The following MYH7B variants were observed in gnomAD, a reference collection of about 807,000 sequenced individuals.
MYH7B encodes myosin heavy chain 7B.
A neutral mutation model predicts 234.5 loss-of-function variants in MYH7B; 205 were observed. The ratio of observed to expected loss-of-function variants is 0.87; its 90% confidence interval spans 0.78 to 0.98. The LOEUF (loss-of-function observed/expected upper bound fraction) is 0.98. MYH7B is among the 50% of genes least tolerant of loss of function. The probability of loss-of-function intolerance (pLI) is 0.00; values close to 1 mark genes in which losing one functional copy is unlikely to be tolerated. For missense variants in MYH7B, 2,652 were observed against 2,633.4 expected (o/e 1.01, Z -0.15); for synonymous variants, 1,193 against 1,105.0 (o/e 1.08, Z -1.58).
At chr20:34,956,529 C>T (rs758355010) in intron 1 of MYH7B, among the ~76,000 whole-genome samples, 1 of 151,438 alleles carries the variant, frequency 6.6e-6, no homozygotes, top group Admixed American at 6.5e-5. Context: ...GCACCTGATA[C>T]GAATTTTAGT....
intron 6 of MYH7B, 77 bp from the exon 7 acceptor site, chr20:34,979,584 G>T: frequency 1.2e-6 from 2 of 1,606,182 alleles, no homozygotes; most frequent in East Asian, 2.2e-5. Context: ...GGGGGTCTGG[G>T]TATGTGGGTG....
chr20:34,994,890 T>C (rs1364440995), intron 27 of MYH7B, among the ~76,000 whole-genome samples: 1 of 152,240 alleles, frequency 6.6e-6, no homozygotes. Context: ...GATGGCCCTG[T>C]GGTCACAAAA....
intron 38 of MYH7B, 79 bp downstream of exon 38, chr20:34,999,985 G>T: frequency 7.5e-7 from 1 of 1,336,546 alleles, no homozygotes; most frequent in Non-Finnish European, 1.1e-6. Flanking sequence ...TCTCTAGTCT[G>T]TCCCTCCCAT....
At chr20:34,963,658 C>T (rs1001226967) in intron 2 of MYH7B, among the ~76,000 whole-genome samples, 2 of 152,104 alleles carry the variant, frequency 1.3e-5, no homozygotes, top group African/African-American at 2.4e-5. Context: ...TTGCCTAATT[C>T]GAAGGTCACA....
intron 2 of MYH7B, among the ~76,000 whole-genome samples, chr20:34,971,501 A>G (rs1434189653): frequency 6.6e-6 from 1 of 152,046 alleles, no homozygotes; most frequent in African/African-American, 2.4e-5. Flanking sequence ...TTTTGCTTCA[A>G]GCCTCAGAGC....
At chr20:34,986,760 G>A (rs2082031544) in intron 14 of MYH7B, 126 bp from the exon 15 acceptor site, 5 of 709,676 alleles carry the variant, frequency 7.0e-6, no homozygotes, top group Middle Eastern at 4.9e-4. Flanking sequence ...GGGAGATGAG[G>A]TCCTCTGGGA....
intron 2 of MYH7B, among the ~76,000 whole-genome samples, chr20:34,959,684 G>A (rs1708012939): frequency 6.6e-6 from 1 of 151,998 alleles, no homozygotes; most frequent in Non-Finnish European, 1.5e-5. Context: ...TCACCTTGCT[G>A]TCCAGGCTGG....
intron 26 of MYH7B, 126 bp downstream of exon 26, chr20:34,993,596 A>G (rs2082198322): frequency 8.8e-7 from 1 of 1,142,084 alleles, no homozygotes; most frequent in Admixed American, 3.0e-5. Flanking sequence ...GGTTGGGGCA[A>G]GGTTCTGTTC....
intron 22 of MYH7B, 199 bp from the exon 23 acceptor site, chr20:34,990,539 G>C: frequency 1.2e-6 from 1 of 816,070 alleles, no homozygotes; most frequent in Non-Finnish European, 2.2e-6. Flanking sequence ...TGGGAGGGAC[G>C]GGGATTTGGC....
intron 16 of MYH7B, 92 bp from the exon 17 acceptor site, chr20:34,987,465 A>G: frequency 7.0e-7 from 1 of 1,422,620 alleles, no homozygotes; most frequent in South Asian, 1.3e-5. Flanking sequence ...GACCCCTCTT[A>G]ACTTCCCTCT....
At chr20:34,966,524 T>G (rs1484300331) in intron 2 of MYH7B, among the ~76,000 whole-genome samples, 2 of 152,188 alleles carry the variant, frequency 1.3e-5, no homozygotes, top group Non-Finnish European at 2.9e-5. Flanking sequence ...CTTTTTATTG[T>G]TAGAACTGTT....
At chr20:34,985,724 G>A (rs2082008294) in intron 13 of MYH7B, among the ~76,000 whole-genome samples, 1 of 152,220 alleles carries the variant, frequency 6.6e-6, no homozygotes, top group African/African-American at 2.4e-5. Flanking sequence ...CAGTGACGGG[G>A]ACAGGGATAG....
At chr20:34,999,874 G>C in exon 38 of MYH7B, 1 of 1,613,760 alleles carries the variant, frequency 6.2e-7, no homozygotes, top group South Asian at 1.1e-5. Flanking sequence ...ACCGGAAGCT[G>C]GCAGAGAAAG....
chr20:34,982,387 G>A (rs2081953310), intron 9 of MYH7B, 72 bp from the exon 10 acceptor site: 8 of 1,318,380 alleles, frequency 6.1e-6, no homozygotes, highest in Non-Finnish European at 7.6e-6. Flanking sequence ...CTCTGCTTGA[G>A]GGGTGAGGCA....
At chr20:34,981,272 G>A in intron 9 of MYH7B, 1 of 552,334 alleles carries the variant, frequency 1.8e-6, no homozygotes, top group Non-Finnish European at 3.1e-6. Flanking sequence ...GGATAGGGAG[G>A]GGACACCCAC....
Position 34,999,292 on chromosome 20 carries a change from C to T in MYH7B, c.4427C>T (p.Ala1476Val), listed in dbSNP as rs971127351. ...GAGGAGATGCAGCGGGAGCTGGAGGCGGCACAGAGGGAGTCCCGTGGCCTG... is the reference window on the plus strand; with the variant it reads ...GAGGAGATGCAGCGGGAGCTGGAGGTGGCACAGAGGGAGTCCCGTGGCCTG... Residue 1476 changes from alanine (A) to valine (V), a missense_variant, in exon 36 of 45, where the codon GCG (alanine) becomes GTG (valine). Ala to Val is a moderately conservative substitution (Grantham distance 64). Around this residue, in one of 3 missense-constraint regions of MYH7B, gnomAD observed 2,279 missense variants for 2,211.4 expected, o/e 1.03. Transcript: ENST00000262873. The T allele has an allele frequency of 2.4e-5, 38 of 1,589,010 alleles. No homozygotes were observed. The highest frequency in any genetic ancestry group is 4.6e-5 in the East Asian group (2 of 43,812).
At chr20:35,001,885 G>T in intron 43 of MYH7B, 63 bp from the exon 44 acceptor site, 1 of 1,567,866 alleles carries the variant, frequency 6.4e-7, no homozygotes, top group Non-Finnish European at 8.7e-7. Context: ...TTGGACTGGG[G>T]CAGGGACCAG....
At chr20:34,991,359 T>G (rs1271049264) in intron 24 of MYH7B, among the ~76,000 whole-genome samples, 4 of 152,190 alleles carry the variant, frequency 2.6e-5, no homozygotes, top group Admixed American at 2.6e-4. Context: ...GCCTCGCTGA[T>G]AAGCTGGACA....
chr20:34,981,220 A>G (rs1313518806), intron 9 of MYH7B, 160 bp downstream of exon 9: 1 of 820,162 alleles, frequency 1.2e-6, no homozygotes, highest in Non-Finnish European at 1.9e-6. Context: ...AGGCCTGAGC[A>G]CTTTCCCTGC....
Sources: allele counts gnomAD v4.1 joint callset (sites outside exome capture counted in the v4.1 genomes callset), GRCh38; gene constraint gnomAD v4.1.1; regional missense constraint gnomAD v4.1.1; transcripts MANE v1.5; gene names NCBI Gene and HGNC (gene_info 2026-07-23, HGNC 2026-07-21).